The following HOXC5 variants were observed in gnomAD, a reference collection of about 807,000 sequenced individuals.
HOXC5 encodes the protein homeobox protein Hox-C5.
Under a neutral mutation model 20.1 loss-of-function variants are expected in HOXC5, and 19 were observed. That is an observed-to-expected ratio of 0.94 (90% CI 0.66 to 1.38). The LOEUF is 1.38. Among genes scored for constraint, HOXC5 ranks in the 40% most tolerant of loss-of-function variants. HOXC5 has a pLI of 0.00. For missense variants in HOXC5, 330 were observed against 300.1 expected, an observed-to-expected ratio of 1.10 and a Z score of -0.74; for synonymous variants, 124 against 117.0, an observed-to-expected ratio of 1.06 and a Z score of -0.39.
rs149895718 is a variant in HOXC5, at chr12:54,034,859, C to T, written c.*367C>T. On this transcript the variant is annotated 3_prime_UTR_variant, in exon 2 of 2. Transcript: ENST00000312492. ...CGGCCCTCCCGAGTTAAGGTGGGCCCGGCCCGCGCCACAGGACCCTCGCCG... is the reference window on the plus strand; with the variant it reads ...CGGCCCTCCCGAGTTAAGGTGGGCCTGGCCCGCGCCACAGGACCCTCGCCG... 69 of 290,236 alleles carry T rather than the reference C, an allele frequency of 2.4e-4. No homozygotes were observed. The highest frequency in any genetic ancestry group is 1.1e-3 in the African/African-American group (49 of 46,316). 18.0% of individuals were successfully genotyped at this position (290,236 alleles called of 1,614,324 possible). A position where few individuals can be genotyped will look rare whatever the true frequency, so the allele number is the denominator to read the frequency against.
At chr12:54,033,608 G>A in intron 1 of HOXC5, 32 bp downstream of exon 1, 1 of 1,490,442 alleles carries the variant, frequency 6.7e-7, no homozygotes. Context: ...TGCGCTCTCG[G>A]GTCCGCCTGG....
In HOXC5 at chr12:54,034,417, G is replaced by A; in HGVS notation, c.594G>A (p.Gln198=). Residue 198 remains glutamine (Q), a synonymous_variant, in exon 2 of 2, where the codon CAG becomes CAA. Transcript: ENST00000312492. ...ACAACTTGTGTCTCAATGAGAGACA[G>A]ATCAAGATCTGGTTCCAGAACCGCA... ...IANNLCLNER[Q]IKIWFQNRRM... 1.9e-6 allele frequency: 3 copies of A among 1,614,208 alleles called. No individual in the cohort carries two copies. Among genetic ancestry groups the A allele is most frequent in the Non-Finnish European group, 1.7e-6 (2 of 1,179,982 alleles).
At chr12:54,023,792 C>G in the HOXC5 span, among the ~76,000 whole-genome samples, 53,411 of 151,960 alleles carry the variant, frequency 0.35, 9,805 homozygotes, top group East Asian at 0.64. Context: ...GTGTGTGTAG[C>G]GGGGGCAGGT....
chr12:54,020,152 C>G, the HOXC5 span: 1 of 152,268 alleles, frequency 6.6e-6, no homozygotes, highest in Non-Finnish European at 1.5e-5. Context: ...TCCCTGCTGA[C>G]GTGGTCCTTC....
At chr12:54,029,569 G>A, upstream of HOXC5, 1 of 1,414,068 alleles carries the variant, frequency 7.1e-7, no homozygotes, top group African/African-American at 1.4e-5. Context: ...GGCCAGGTTG[G>A]GAGGGTCAGG....
At chr12:54,028,410 T>C (rs1940826076), upstream of HOXC5, 9 of 1,234,204 alleles carry the variant, frequency 7.3e-6, no homozygotes, top group Non-Finnish European at 1.1e-6. Context: ...GACTTTGTCA[T>C]TTTGTCTGTC....
chr12:54,018,180 G>A, the HOXC5 span, among the ~76,000 whole-genome samples: 1 of 152,218 alleles, frequency 6.6e-6, no homozygotes, highest in African/African-American at 2.4e-5. Context: ...GGGGGATGCT[G>A]TACTCAAAAG....
chr12:54,025,532 GGGGGGGA>G, the HOXC5 span, among the ~76,000 whole-genome samples: 1 of 46,944 alleles, frequency 2.1e-5, no homozygotes, highest in African/African-American at 7.0e-5. Flanking sequence ...GTAATTGGGG[GGGGGGGA>G]GGTGTTGAAA....
upstream of HOXC5, chr12:54,028,392 G>A (rs1404366321): frequency 4.9e-6 from 5 of 1,016,588 alleles, no homozygotes; most frequent in East Asian, 5.1e-5. Flanking sequence ...GCTGGGAGGG[G>A]GTCAGCTGAC....
At chr12:54,029,051 G>A (rs1940862886), upstream of HOXC5, 7 of 895,632 alleles carry the variant, frequency 7.8e-6, no homozygotes, top group Non-Finnish European at 1.2e-5. Flanking sequence ...TCCTCACCGA[G>A]ACAGGGCCCC....
chr12:54,023,930 C>A, the HOXC5 span, among the ~76,000 whole-genome samples: 1 of 152,132 alleles, frequency 6.6e-6, no homozygotes, highest in Admixed American at 6.5e-5. Context: ...AGGCTCTTTG[C>A]GATCTGATCC....
At chr12:54,033,609 G>T in intron 1 of HOXC5, 33 bp downstream of exon 1, 2 of 1,490,340 alleles carry the variant, frequency 1.3e-6, no homozygotes, top group Non-Finnish European at 1.8e-6. Flanking sequence ...GCGCTCTCGG[G>T]TCCGCCTGGG....
chr12:54,034,413 G>C lies in HOXC5; in HGVS notation c.590G>C (p.Arg197Thr). The part of the protein sequence containing the change: ...EIANNLCLNE[R>T]QIKIWFQNRR... ...GCCAACAACTTGTGTCTCAATGAGA[G>C]ACAGATCAAGATCTGGTTCCAGAAC... The change falls in exon 2 of 2, where the codon AGA (arginine) becomes ACA (threonine). Residue 197 changes from arginine (R) to threonine (T), a missense_variant. By Grantham distance (71) the Arg-to-Thr change is moderately conservative. Transcript: ENST00000312492. The C allele has an allele frequency of 3.1e-6, 5 of 1,614,182 alleles. No individual in the cohort carries two copies. Among genetic ancestry groups the C allele is most frequent in the Non-Finnish European group, 4.2e-6 (5 of 1,179,974 alleles).
chr12:54,022,940 C>T, the HOXC5 span, among the ~76,000 whole-genome samples: 1 of 152,202 alleles, frequency 6.6e-6, no homozygotes, highest in Non-Finnish European at 1.5e-5. Context: ...CCTATTGCGG[C>T]TTCTTCCTCA....
At chr12:54,025,418 G>A in the HOXC5 span, among the ~76,000 whole-genome samples, 1 of 151,610 alleles carries the variant, frequency 6.6e-6, no homozygotes, top group Non-Finnish European at 1.5e-5. Flanking sequence ...GGGCTCATCT[G>A]ACCTGCTCTC....
chr12:54,028,267 A>ATATATATT (rs3031476), upstream of HOXC5: 3 of 75,596 alleles, frequency 4.0e-5, no homozygotes, highest in Non-Finnish European at 8.9e-5. Flanking sequence ...ATATATATAT[A>ATATATATT]TTTTTTAAAA....
intron 1 of HOXC5, 60 bp from the exon 2 acceptor site, chr12:54,034,218 A>G: frequency 1.4e-6 from 2 of 1,474,102 alleles, no homozygotes; most frequent in Non-Finnish European, 1.9e-6. Flanking sequence ...TGGGGTGGGG[A>G]CGGGGGAACG....
Position 54,034,611 on chromosome 12 carries a change from C to A in HOXC5, c.*119C>A. The A allele has an allele frequency of 1.2e-6, 1 of 801,794 alleles. No individual in the cohort carries two copies. Among genetic ancestry groups the A allele is most frequent in the Non-Finnish European group, 2.0e-6 (1 of 507,178 alleles). 49.7% of individuals were successfully genotyped at this position (801,794 alleles called of 1,614,324 possible). A position where few individuals can be genotyped will look rare whatever the true frequency, so the allele number is the denominator to read the frequency against. ...GGCAGGTGCTGGAGCACTGGGCTCC[C>A]GGGCCCCACAGACAAAAGCGCTTTT... On this transcript the variant is annotated 3_prime_UTR_variant, in exon 2 of 2. Coordinates refer to ENST00000312492, the MANE Select transcript of HOXC5 (RefSeq NM_018953.4).
At chr12:54,030,979 G>C (rs568773164), upstream of HOXC5, among the ~76,000 whole-genome samples, 1 of 152,224 alleles carries the variant, frequency 6.6e-6, no homozygotes, top group Non-Finnish European at 1.5e-5. Flanking sequence ...CCTTCTGTTC[G>C]TTCTCGCGAT....
Sources: gnomAD v4.1 joint callset for allele counts (sites outside exome capture counted in the v4.1 genomes callset) on GRCh38, gnomAD v4.1.1 for gene constraint, MANE v1.5 for transcripts, NCBI Gene and HGNC (gene_info 2026-07-23, HGNC 2026-07-21) for gene names.